DIAPH2: variants seen among roughly 807,000 people sequenced by gnomAD.
The protein encoded by DIAPH2 is protein diaphanous homolog 2.
In DIAPH2, 35 loss-of-function variants were observed where a neutral mutation model predicts 92.7. The ratio of observed to expected loss-of-function variants is 0.38; its 90% CI spans 0.29 to 0.50. The LOEUF (loss-of-function observed/expected upper bound fraction) is 0.50. Ranked by LOEUF, DIAPH2 falls within the 20% of genes least tolerant of loss-of-function variation. The pLI is 0.94. For missense variants in DIAPH2, 701 were observed against 819.5 expected (o/e 0.86, Z 1.77); for synonymous variants, 301 against 280.4 (o/e 1.07, Z -0.73).
chrX:96,709,199 G>C (rs951358184), intron 1 of DIAPH2, among the ~76,000 whole-genome samples: 1 of 112,195 alleles, frequency 8.9e-6, no homozygotes, highest in Middle Eastern at 4.6e-3. Flanking sequence ...CTTCGTTTCT[G>C]TTTGTTAATT....
At chrX:97,372,175 T>G (rs1296739386) in intron 24 of DIAPH2, among the ~76,000 whole-genome samples, 2 of 112,290 alleles carry the variant, frequency 1.8e-5, no homozygotes, top group African/African-American at 6.5e-5. Context: ...CAACTTCAGA[T>G]CACATGTTTC....
At chrX:96,825,560 A>G (rs1049877791) in intron 4 of DIAPH2, among the ~76,000 whole-genome samples, 10 of 110,732 alleles carry the variant, frequency 9.0e-5, no homozygotes, top group African/African-American at 3.3e-4. Flanking sequence ...GATAGCTGTA[A>G]TAATCTTTTT....
intron 26 of DIAPH2, among the ~76,000 whole-genome samples, chrX:97,482,472 T>G (rs1011435013): frequency 8.9e-6 from 1 of 111,738 alleles, no homozygotes; most frequent in Non-Finnish European, 1.9e-5. Flanking sequence ...ATTTTTCTCT[T>G]GTGACTTTGA....
At chrX:97,565,086 T>C (rs990227951) in intron 26 of DIAPH2, among the ~76,000 whole-genome samples, 2 of 111,937 alleles carry the variant, frequency 1.8e-5, no homozygotes, top group Non-Finnish European at 3.8e-5. Context: ...TCCACCTGCA[T>C]TTACACAAAG....
At chrX:97,333,162 C>A (rs2069016208) in intron 23 of DIAPH2, among the ~76,000 whole-genome samples, 1 of 111,609 alleles carries the variant, frequency 9.0e-6, no homozygotes, top group African/African-American at 3.3e-5. Flanking sequence ...GTTAAGGGAG[C>A]CTTGTTAAAG....
intron 22 of DIAPH2, among the ~76,000 whole-genome samples, chrX:97,162,650 C>T (rs1027143217): frequency 1.8e-5 from 2 of 110,306 alleles, no homozygotes; most frequent in Admixed American, 9.7e-5. Flanking sequence ...AGACTACAGG[C>T]GTGTGCCACC....
rs1252227886 is a variant in DIAPH2, at chrX:97,603,301, A to C, written c.*3984A>C. ...GAGATGAGGTCTCACTCTGTCACCC[A>C]GGCTGCAGTGTAGTGGTGCAAACAT... On this transcript the variant is annotated 3_prime_UTR_variant, in exon 27 of 27. Coordinates refer to ENST00000324765, the MANE Select transcript of DIAPH2 (RefSeq NM_006729.5). The C allele has an allele frequency of 9.0e-6, 1 of 110,792 alleles. No individual in the cohort carries two copies. Among genetic ancestry groups the C allele is most frequent in the Non-Finnish European group, 1.9e-5 (1 of 52,964 alleles). The allele number at this position is 110,792 out of a possible 1,213,427, so 9.1% of individuals were successfully genotyped here. A position where few individuals can be genotyped will look rare whatever the true frequency, so the allele number is the denominator to read the frequency against.
Position 97,384,011 on chromosome X carries a change from A to G in DIAPH2, c.3112A>G (p.Lys1038Glu), listed in dbSNP as rs2069575292. ...TGAACAAGAAAAGTTAGAACGCCAG[A>G]AGAAAAAGAAACAACTCATTGATAT... The part of the protein sequence containing the change: ...KAEQEKLERQ[K>E]KKKQLIDINK... The change falls in exon 25 of 27, where the codon AAG (lysine) becomes GAG (glutamate). Residue 1038 changes from lysine to glutamate, a missense_variant. Physicochemically the swap from Lys to Glu is moderately conservative, Grantham distance 56. Around this residue, in one of 3 missense-constraint regions of DIAPH2, gnomAD observed 536 missense variants for 599.3 expected, o/e 0.89. Transcript: ENST00000324765. 8.3e-7 allele frequency: 1 copy of G among 1,202,876 alleles called. No individual in the cohort carries two copies. The highest frequency in any genetic ancestry group is 1.1e-6 in the Non-Finnish European group (1 of 891,107).
chrX:97,232,279 G>A (rs2068015155), intron 22 of DIAPH2, among the ~76,000 whole-genome samples: 1 of 111,678 alleles, frequency 9.0e-6, no homozygotes, highest in South Asian at 3.8e-4. Flanking sequence ...CTGTCACCCA[G>A]GCTGGAGTGT....
chrX:96,933,216 T>C, intron 10 of DIAPH2, among the ~76,000 whole-genome samples: 1 of 111,502 alleles, frequency 9.0e-6, no homozygotes. Context: ...GGCAGACATA[T>C]TTGGTTGGGA....
chrX:96,796,018 C>T (rs1052624684), intron 4 of DIAPH2, among the ~76,000 whole-genome samples: 8 of 111,568 alleles, frequency 7.2e-5, no homozygotes, highest in African/African-American at 2.6e-4. Flanking sequence ...ATATGGAGGG[C>T]TGACCATGAG....
intron 22 of DIAPH2, among the ~76,000 whole-genome samples, chrX:97,170,907 C>T (rs758149952): frequency 9.2e-6 from 1 of 108,978 alleles, no homozygotes; most frequent in Admixed American, 9.9e-5. Flanking sequence ...GATGGAGTCT[C>T]GCTCTGTTAT....
intron 23 of DIAPH2, among the ~76,000 whole-genome samples, chrX:97,286,152 C>T (rs1297945768): frequency 1.9e-5 from 2 of 106,874 alleles, no homozygotes; most frequent in African/African-American, 6.8e-5. Flanking sequence ...GCAATTCTCC[C>T]GCCTCAGCCT....
intron 26 of DIAPH2, among the ~76,000 whole-genome samples, chrX:97,597,807 A>AT (rs1240734543): frequency 4.4e-4 from 49 of 111,837 alleles, no homozygotes; most frequent in African/African-American, 1.4e-3. Context: ...TAAATAATGG[A>AT]TTTTTTAATG....
chrX:97,587,410 T>C (rs2071486388), intron 26 of DIAPH2, among the ~76,000 whole-genome samples: 1 of 111,545 alleles, frequency 9.0e-6, no homozygotes, highest in South Asian at 3.7e-4. Flanking sequence ...AGCAGCGAAG[T>C]AATAGAAAGC....
At chrX:97,055,182 G>A (rs777927301) in intron 17 of DIAPH2, among the ~76,000 whole-genome samples, 14 of 108,003 alleles carry the variant, frequency 1.3e-4, no homozygotes, top group Admixed American at 4.0e-4. Flanking sequence ...CTCCCAAAGC[G>A]CTGGGATTAC....
intron 9 of DIAPH2, among the ~76,000 whole-genome samples, chrX:96,919,864 A>ATTAT (rs60595365): frequency 0.41 from 41,053 of 100,066 alleles, 7,752 homozygotes; most frequent in Non-Finnish European, 0.5. Context: ...TGTCAAATGT[A>ATTAT]TTATTTATTT....
chrX:97,591,232 C>T (rs994380779), intron 26 of DIAPH2, among the ~76,000 whole-genome samples: 17 of 111,883 alleles, frequency 1.5e-4, no homozygotes, highest in African/African-American at 5.5e-4. Context: ...TCCCTGACTC[C>T]CAGCTCCTGT....
At chrX:97,352,244 A>G (rs745707045) in intron 24 of DIAPH2, among the ~76,000 whole-genome samples, 1 of 111,328 alleles carries the variant, frequency 9.0e-6, no homozygotes, top group Non-Finnish European at 1.9e-5. Context: ...CATATGTAGC[A>G]TAAACAAAAT....
Sources: allele counts gnomAD v4.1 joint callset (sites outside exome capture counted in the v4.1 genomes callset), GRCh38; gene constraint gnomAD v4.1.1; regional missense constraint gnomAD v4.1.1; transcripts MANE v1.5; gene names NCBI Gene and HGNC (gene_info 2026-07-23, HGNC 2026-07-21).